The following SUMF1 variants were observed in gnomAD, a reference collection of about 807,000 sequenced individuals.
The protein encoded by SUMF1 is sulfatase modifying factor 1.
In SUMF1, 48 loss-of-function variants were observed where a neutral mutation model predicts 47.6. That is an observed-to-expected ratio of 1.01 (90% CI 0.80 to 1.28). The LOEUF is 1.28. Among genes scored for constraint, SUMF1 ranks in the 50% most tolerant of loss-of-function variants. SUMF1 has a pLI of 0.00. For synonymous variants in SUMF1, 230 were observed against 192.1 expected (o/e 1.20, Z -1.63); for missense variants, 571 against 485.4 (o/e 1.18, Z -1.66).
intron 8 of SUMF1, among the ~76,000 whole-genome samples, chr3:4,244,490 G>GGATT (rs1299965154): frequency 6.6e-6 from 1 of 152,122 alleles, no homozygotes; most frequent in African/African-American, 2.4e-5. Context: ...TTGTCTTAAA[G>GGATT]GATTTTATTT....
intron 8 of SUMF1, among the ~76,000 whole-genome samples, chr3:4,252,352 G>GCGCACACACACA (rs1553613505): frequency 9.3e-5 from 12 of 129,672 alleles, no homozygotes; most frequent in African/African-American, 3.2e-4. Flanking sequence ...ACACACATGC[G>GCGCACACACACA]CACACACACA....
At chr3:4,250,201 A>G (rs1265252715) in intron 8 of SUMF1, among the ~76,000 whole-genome samples, 2 of 147,434 alleles carry the variant, frequency 1.4e-5, no homozygotes, top group Non-Finnish European at 3.0e-5. Flanking sequence ...GAGGGAGTGA[A>G]GGGAGAGAAA....
intron 9 of SUMF1, among the ~76,000 whole-genome samples, chr3:4,056,333 G>A (rs1351419927): frequency 6.6e-6 from 1 of 151,922 alleles, no homozygotes; most frequent in African/African-American, 2.4e-5. Flanking sequence ...AACTAAAAAG[G>A]TTCATACAGT....
chr3:4,296,137 G>T (rs975026447), intron 8 of SUMF1, among the ~76,000 whole-genome samples: 32 of 151,434 alleles, frequency 2.1e-4, no homozygotes, highest in African/African-American at 7.0e-4. Flanking sequence ...AAACAATACT[G>T]GGTATGACTT....
intron 8 of SUMF1, among the ~76,000 whole-genome samples, chr3:4,365,102 C>A (rs879388176): frequency 2.0e-5 from 3 of 149,204 alleles, no homozygotes; most frequent in African/African-American, 7.4e-5. Context: ...AATTTCTGTT[C>A]TTTTACATTT....
chr3:4,231,147 A>G (rs1696289800), intron 8 of SUMF1, among the ~76,000 whole-genome samples: 1 of 152,118 alleles, frequency 6.6e-6, no homozygotes, highest in Non-Finnish European at 1.5e-5. Flanking sequence ...GGAACTGACT[A>G]CAGAGCTGGC....
At chr3:4,314,809 A>G (rs977720800) in intron 8 of SUMF1, among the ~76,000 whole-genome samples, 2 of 152,198 alleles carry the variant, frequency 1.3e-5, no homozygotes, top group Admixed American at 6.6e-5. Flanking sequence ...GACATTTTGA[A>G]AGCTAAAATA....
At chr3:4,059,268 T>G (rs1695240147) in intron 9 of SUMF1, among the ~76,000 whole-genome samples, 1 of 152,176 alleles carries the variant, frequency 6.6e-6, no homozygotes, top group Non-Finnish European at 1.5e-5. Flanking sequence ...CAGATGAGCA[T>G]CTAACACAAT....
At chr3:4,337,637 T>C (rs1449115709) in intron 8 of SUMF1, among the ~76,000 whole-genome samples, 1 of 152,184 alleles carries the variant, frequency 6.6e-6, no homozygotes, top group African/African-American at 2.4e-5. Flanking sequence ...TCCTCTTTCC[T>C]AACTTGCCAC....
intron 8 of SUMF1, among the ~76,000 whole-genome samples, chr3:4,198,101 A>G (rs1020712998): frequency 3.3e-5 from 5 of 151,160 alleles, no homozygotes; most frequent in African/African-American, 9.7e-5. Context: ...ATTGCAGTAG[A>G]TAAAATCAAA....
intron 7 of SUMF1, among the ~76,000 whole-genome samples, chr3:4,392,640 TCTAC>T (rs1268785799): frequency 7.4e-6 from 1 of 135,172 alleles, no homozygotes; most frequent in East Asian, 3.6e-4. Context: ...TATATATATA[TCTAC>T]CTATATATAT....
At chr3:4,441,034 G>T (rs190192532) in intron 3 of SUMF1, among the ~76,000 whole-genome samples, 1 of 152,044 alleles carries the variant, frequency 6.6e-6, no homozygotes, top group African/African-American at 2.4e-5. Flanking sequence ...CCAACCCCTG[G>T]ACCACAAACC....
chr3:4,353,510 C>T (rs1477544924), intron 8 of SUMF1, among the ~76,000 whole-genome samples: 2 of 152,162 alleles, frequency 1.3e-5, no homozygotes, highest in Admixed American at 1.3e-4. Flanking sequence ...CCTCGGCCTC[C>T]CAAAGTGCCG....
rs567165269 is a variant in SUMF1, at chr3:4,379,790, C to T, written c.955-3401G>A. 2.7e-5 allele frequency among the ~76,000 whole-genome samples: 4 copies of T among 146,152 alleles called. No homozygotes were observed. In the South Asian group the frequency reaches 6.5e-4, roughly 24 times the overall value. ...CCGCGAGGCGGAGGTTGCAGTGAGC[C>T]GAGATCGTGCCACCGCACTCCAGCC... On this transcript the variant is annotated intron_variant, in intron 7 of 8. Coordinates refer to ENST00000272902, the MANE Select transcript of SUMF1 (RefSeq NM_182760.4).
At chr3:4,382,800 C>G (rs1357030202) in intron 7 of SUMF1, among the ~76,000 whole-genome samples, 1 of 151,372 alleles carries the variant, frequency 6.6e-6, no homozygotes, top group African/African-American at 2.4e-5. Flanking sequence ...AACCATCATT[C>G]TCAACAAACT....
chr3:4,398,051 G>A (rs1166822591), intron 7 of SUMF1, among the ~76,000 whole-genome samples: 1 of 152,078 alleles, frequency 6.6e-6, no homozygotes, highest in East Asian at 1.9e-4. Context: ...CTTGCTCCAG[G>A]TTATTCAGCT....
chr3:4,109,224 C>G (rs1037084315), intron 8 of SUMF1, among the ~76,000 whole-genome samples: 4 of 151,952 alleles, frequency 2.6e-5, no homozygotes, highest in African/African-American at 4.8e-5. Context: ...GTTGAAAATT[C>G]TTTTCTTTAA....
At chr3:4,301,822 G>T (rs895706724) in intron 8 of SUMF1, among the ~76,000 whole-genome samples, 1 of 152,240 alleles carries the variant, frequency 6.6e-6, no homozygotes, top group African/African-American at 2.4e-5. Context: ...ATCATTAGCT[G>T]AATATGCGTA....
intron 8 of SUMF1, among the ~76,000 whole-genome samples, chr3:4,186,171 G>A (rs763094369): frequency 2.6e-5 from 4 of 152,036 alleles, no homozygotes; most frequent in Non-Finnish European, 5.9e-5. Context: ...ACATAAAGAT[G>A]GTCTGAATTA....
Sources: gnomAD v4.1 joint callset for allele counts (sites outside exome capture counted in the v4.1 genomes callset) on GRCh38, gnomAD v4.1.1 for gene constraint, MANE v1.5 for transcripts, NCBI Gene and HGNC (gene_info 2026-07-23, HGNC 2026-07-21) for gene names.